RBFOX1: variants seen among roughly 807,000 people sequenced by gnomAD.
RBFOX1 encodes RNA binding protein fox-1 homolog 1.
In RBFOX1, 8 loss-of-function variants were observed where a neutral mutation model predicts 57.7. The observed-to-expected ratio is 0.14, with a 90% confidence interval of 0.08 to 0.25. The LOEUF (loss-of-function observed/expected upper bound fraction) is 0.25, where lower values mean the gene tolerates loss of function less well. RBFOX1 is among the 10% of genes least tolerant of loss of function. The pLI, the probability that RBFOX1 is intolerant of heterozygous loss-of-function variation, is 1.00. For synonymous variants in RBFOX1, 326 were observed against 222.4 expected (o/e 1.47, Z -4.15); for missense variants, 611 against 548.5 (o/e 1.11, Z -1.14).
At chr16:6,685,510 A>T (rs1341996262) in intron 3 of RBFOX1, among the ~76,000 whole-genome samples, 3 of 142,954 alleles carry the variant, frequency 2.1e-5, no homozygotes, top group African/African-American at 5.1e-5. Flanking sequence ...CTGCTGTCGA[A>T]CTCCTCACCT....
intron 4 of RBFOX1, among the ~76,000 whole-genome samples, chr16:5,876,946 A>T (rs116306147): frequency 1.3e-5 from 2 of 152,130 alleles, no homozygotes; most frequent in African/African-American, 4.8e-5. Context: ...TGGAGATGCA[A>T]TGGTTGAAGG....
intron 2 of RBFOX1, among the ~76,000 whole-genome samples, chr16:6,390,647 A>G (rs1013286166): frequency 2.0e-5 from 3 of 152,198 alleles, no homozygotes; most frequent in African/African-American, 7.2e-5. Flanking sequence ...GCGACAGTAT[A>G]TGGCTAGGTG....
At chr16:7,038,812 G>A (rs1051381558) in intron 3 of RBFOX1, among the ~76,000 whole-genome samples, 1 of 152,130 alleles carries the variant, frequency 6.6e-6, no homozygotes, top group Non-Finnish European at 1.5e-5. Context: ...GTTGATAATG[G>A]GGTCTTTACC....
chr16:6,401,288 A>C (rs559968197), intron 2 of RBFOX1, among the ~76,000 whole-genome samples: 6 of 152,324 alleles, frequency 3.9e-5, no homozygotes, highest in Middle Eastern at 6.8e-3. Context: ...TAATAGCAAG[A>C]GATTGGAGCT....
At chr16:7,203,780 C>T (rs1013744081) in intron 4 of RBFOX1, among the ~76,000 whole-genome samples, 1 of 152,172 alleles carries the variant, frequency 6.6e-6, no homozygotes. Flanking sequence ...CCTCATAACC[C>T]ACCAAGCAAA....
chr16:6,292,905 T>A (rs927828697), intron 1 of RBFOX1, among the ~76,000 whole-genome samples: 4 of 152,198 alleles, frequency 2.6e-5, no homozygotes, highest in African/African-American at 7.2e-5. Flanking sequence ...TTCAAAGTAC[T>A]TTTTCATCTG....
At chr16:6,933,657 G>C (rs977661614) in intron 3 of RBFOX1, among the ~76,000 whole-genome samples, 2 of 152,240 alleles carry the variant, frequency 1.3e-5, no homozygotes, top group Non-Finnish European at 2.9e-5. Context: ...AGGTTGCAGT[G>C]AGTCAAGATC....
At chr16:5,588,834 T>C (rs1176910877) in intron 2 of RBFOX1, among the ~76,000 whole-genome samples, 2 of 152,188 alleles carry the variant, frequency 1.3e-5, no homozygotes, top group African/African-American at 4.8e-5. Flanking sequence ...GCATTACAGA[T>C]GCCCACATGA....
At chr16:7,138,217 A>G (rs1567411803) in intron 4 of RBFOX1, among the ~76,000 whole-genome samples, 1 of 152,192 alleles carries the variant, frequency 6.6e-6, no homozygotes, top group Non-Finnish European at 1.5e-5. Context: ...GGCGAAAGGA[A>G]TACCTGAAGT....
chr16:6,074,633 A>G (rs2152492961), intron 1 of RBFOX1, among the ~76,000 whole-genome samples: 1 of 152,314 alleles, frequency 6.6e-6, no homozygotes, highest in African/African-American at 2.4e-5. Context: ...TGAACGCAAC[A>G]ACCAAAAGTG....
At chr16:6,427,806 G>C (rs2093973346) in intron 2 of RBFOX1, among the ~76,000 whole-genome samples, 2 of 152,128 alleles carry the variant, frequency 1.3e-5, no homozygotes, top group African/African-American at 4.8e-5. Context: ...TCAGAGTATT[G>C]CACAACCTCT....
chr16:5,967,621 C>A (rs2059873480), intron 4 of RBFOX1, among the ~76,000 whole-genome samples: 3 of 152,158 alleles, frequency 2.0e-5, no homozygotes, highest in Admixed American at 2.0e-4. Context: ...ACTGATACTT[C>A]CAATCCATGT....
intron 3 of RBFOX1, among the ~76,000 whole-genome samples, chr16:6,752,690 A>G (rs1460274170): frequency 6.6e-6 from 1 of 152,126 alleles, no homozygotes; most frequent in Non-Finnish European, 1.5e-5. Flanking sequence ...CTTTCTGCGT[A>G]TCGGTTTCAT....
chr16:7,486,904 G>T (rs905944153), intron 4 of RBFOX1, among the ~76,000 whole-genome samples: 1 of 152,076 alleles, frequency 6.6e-6, no homozygotes, highest in African/African-American at 2.4e-5. Flanking sequence ...CAAGGCATTT[G>T]TTTTTGTCTT....
intron 1 of RBFOX1, among the ~76,000 whole-genome samples, chr16:5,426,455 G>C (rs1324310683): frequency 6.6e-6 from 1 of 152,244 alleles, no homozygotes; most frequent in Non-Finnish European, 1.5e-5. Context: ...GCCACCGCCA[G>C]GGTGTCTGTC....
chr16:5,817,243 G>A (rs1212618942), intron 3 of RBFOX1, among the ~76,000 whole-genome samples: 2 of 152,050 alleles, frequency 1.3e-5, no homozygotes, highest in African/African-American at 2.4e-5. Context: ...TTTCTATTAC[G>A]GTAATTAAAC....
chr16:6,160,831 G>T (rs117860441), intron 1 of RBFOX1, among the ~76,000 whole-genome samples: 1 of 152,140 alleles, frequency 6.6e-6, no homozygotes, highest in Non-Finnish European at 1.5e-5. Context: ...GATCAGCTCT[G>T]TTGTCCCATG....
chr16:5,971,861 G>C (rs1373287691), intron 4 of RBFOX1, among the ~76,000 whole-genome samples: 1 of 152,212 alleles, frequency 6.6e-6, no homozygotes, highest in African/African-American at 2.4e-5. Flanking sequence ...TAACATTTAT[G>C]TCAGTAGACT....
At chr16:6,810,816 G>C (rs2088333375) in intron 3 of RBFOX1, among the ~76,000 whole-genome samples, 1 of 152,102 alleles carries the variant, frequency 6.6e-6, no homozygotes, top group Non-Finnish European at 1.5e-5. Flanking sequence ...CTCACTATCA[G>C]GAGAACAGTG....
Sources: allele counts gnomAD v4.1 joint callset (sites outside exome capture counted in the v4.1 genomes callset), GRCh38; gene constraint gnomAD v4.1.1; transcripts MANE v1.5; gene names NCBI Gene and HGNC (gene_info 2026-07-23, HGNC 2026-07-21).